USP49: variants seen among roughly 807,000 people sequenced by gnomAD.
The protein encoded by USP49 is ubiquitin carboxyl-terminal hydrolase 49.
In USP49, 24 loss-of-function variants were observed where a neutral mutation model predicts 58.6. The ratio of observed to expected loss-of-function variants is 0.41; its 90% CI spans 0.30 to 0.58. The LOEUF (loss-of-function observed/expected upper bound fraction) is 0.58, where lower values mean the gene tolerates loss of function less well. USP49 is among the 20% of genes least tolerant of loss of function. The pLI, the probability that USP49 is intolerant of heterozygous loss-of-function variation, is 0.30. For missense variants in USP49, 703 were observed against 866.1 expected, an observed-to-expected ratio of 0.81 and a Z score of 2.36; for synonymous variants, 408 against 365.1, an observed-to-expected ratio of 1.12 and a Z score of -1.34.
In USP49 at chr6:41,793,269, G is replaced by GTT. The variant is rs573593165; in HGVS notation, c.*3262_*3263dup. 22 of 148,012 alleles carry GTT rather than the reference G, an allele frequency of 1.5e-4. No individual in the cohort carries two copies. The highest frequency in any genetic ancestry group is 6.1e-4 in the Admixed American group (9 of 14,744). The allele number at this position is 148,012 out of a possible 1,614,324, so 9.2% of individuals were successfully genotyped here. ...TTTTTTTTTTTTTGTTTTTGTTTTT[G>GTT]TTTTTTTTTTAAGACAGAGTCTCGC... is the stretch of plus-strand genomic sequence containing the variant. On this transcript the variant is annotated 3_prime_UTR_variant, in exon 8 of 8. Transcript: ENST00000682992.
At chr6:41,822,616 C>T (rs894767001) in intron 3 of USP49, among the ~76,000 whole-genome samples, 8 of 152,026 alleles carry the variant, frequency 5.3e-5, no homozygotes, top group East Asian at 3.9e-4. Context: ...GGGAGGCCGA[C>T]GTGGGCGGAT....
intron 3 of USP49, among the ~76,000 whole-genome samples, chr6:41,831,813 C>T (rs992065994): frequency 1.6e-4 from 24 of 152,138 alleles, no homozygotes; most frequent in Non-Finnish European, 2.5e-4. Context: ...CAATCTGACC[C>T]CAAACAAGCT....
chr6:41,858,588 TG>T (rs1774169535), intron 3 of USP49, among the ~76,000 whole-genome samples: 4 of 152,156 alleles, frequency 2.6e-5, no homozygotes, highest in Admixed American at 2.6e-4. Context: ...TGAGCCACAT[TG>T]GCCTCCTCAC....
intron 2 of USP49, among the ~76,000 whole-genome samples, chr6:41,881,236 C>A (rs150705343): frequency 3.0e-5 from 4 of 131,644 alleles, no homozygotes; most frequent in Non-Finnish European, 6.2e-5. Context: ...CCGGCCCCTA[C>A]GCAGATTTTT....
chr6:41,839,531 C>T (rs771797555), intron 3 of USP49, among the ~76,000 whole-genome samples: 21 of 143,110 alleles, frequency 1.5e-4, no homozygotes, highest in Non-Finnish European at 2.6e-4. Context: ...AAAAGAGTAA[C>T]GAAGATCAGA....
rs568048431 is a variant in USP49, at chr6:41,796,394, C to T, written c.*139G>A. On this transcript the variant is annotated 3_prime_UTR_variant, in exon 8 of 8. Coordinates refer to ENST00000682992, the MANE Select transcript of USP49 (RefSeq NM_001286554.2). Reference sequence around the variant, plus strand: ...AGACTATAAAATTTACGACAGGACACGAATCACCTGGCACCTTCTACTCTA... The same window carrying T: ...AGACTATAAAATTTACGACAGGACATGAATCACCTGGCACCTTCTACTCTA... 1.8e-5 allele frequency: 10 copies of T among 556,328 alleles called. No individual in the cohort carries two copies. In the South Asian group the frequency reaches 1.9e-4, roughly 11 times the overall value. The allele number at this position is 556,328 out of a possible 1,614,324, so 34.5% of individuals were successfully genotyped here.
intron 2 of USP49, among the ~76,000 whole-genome samples, chr6:41,887,717 C>T (rs1165953843): frequency 2.0e-5 from 3 of 152,172 alleles, no homozygotes; most frequent in Admixed American, 1.3e-4. Context: ...ATAGAAGGCA[C>T]GGAGTAGCAG....
At chr6:41,815,146 C>A (rs543962198) in intron 3 of USP49, among the ~76,000 whole-genome samples, 1 of 152,002 alleles carries the variant, frequency 6.6e-6, no homozygotes, top group Admixed American at 6.6e-5. Context: ...GGGGGCCGGG[C>A]GTGGTGGCTC....
chr6:41,808,052 C>T (rs1773174897), intron 3 of USP49, among the ~76,000 whole-genome samples: 1 of 152,132 alleles, frequency 6.6e-6, no homozygotes, highest in African/African-American at 2.4e-5. Flanking sequence ...GCTGGGAATA[C>T]AGGCACGAGC....
At chr6:41,851,944 A>T (rs1774035893) in intron 3 of USP49, among the ~76,000 whole-genome samples, 1 of 117,328 alleles carries the variant, frequency 8.5e-6, no homozygotes, top group Admixed American at 9.7e-5. Flanking sequence ...ACAGAGCGAG[A>T]CTCGTCTCAA....
intron 3 of USP49, chr6:41,869,505 G>C (rs940355941): frequency 4.6e-5 from 7 of 152,208 alleles, no homozygotes; most frequent in African/African-American, 1.7e-4. Context: ...GAGGCCAGGA[G>C]TTCAAGAGAG....
At chr6:41,872,175 G>C (rs1448288717) in intron 2 of USP49, among the ~76,000 whole-genome samples, 1 of 152,194 alleles carries the variant, frequency 6.6e-6, no homozygotes, top group South Asian at 2.1e-4. Context: ...TAGAGTTTAT[G>C]ATTTTGACAA....
At chr6:41,829,316 ATT>A (rs150752989) in intron 3 of USP49, among the ~76,000 whole-genome samples, 19 of 145,116 alleles carry the variant, frequency 1.3e-4, no homozygotes, top group African/African-American at 4.0e-4. Flanking sequence ...ATTCTCTTGA[ATT>A]TTTTTTTTTT....
At chr6:41,856,517 G>A (rs1177964226) in intron 3 of USP49, among the ~76,000 whole-genome samples, 1 of 152,206 alleles carries the variant, frequency 6.6e-6, no homozygotes, top group Non-Finnish European at 1.5e-5. Context: ...AGAATTTGCA[G>A]AAGAAACACT....
intron 3 of USP49, among the ~76,000 whole-genome samples, chr6:41,850,127 T>C (rs1313167450): frequency 1.3e-5 from 2 of 152,228 alleles, no homozygotes; most frequent in African/African-American, 2.4e-5. Flanking sequence ...GGTCAATTTA[T>C]GGTTGTAAAA....
chr6:41,832,441 G>C (rs773778405), intron 3 of USP49, among the ~76,000 whole-genome samples: 7 of 152,094 alleles, frequency 4.6e-5, no homozygotes, highest in Non-Finnish European at 8.8e-5. Flanking sequence ...GGTATGTGCA[G>C]GCAAAAAAGT....
chr6:41,824,670 C>T (rs1287759378), intron 3 of USP49, among the ~76,000 whole-genome samples: 1 of 152,116 alleles, frequency 6.6e-6, no homozygotes, highest in Admixed American at 6.5e-5. Context: ...CGCGCCATTG[C>T]ACTCCAGCCT....
chr6:41,832,568 A>T (rs1773653665), intron 3 of USP49, among the ~76,000 whole-genome samples: 1 of 152,158 alleles, frequency 6.6e-6, no homozygotes, highest in Non-Finnish European at 1.5e-5. Context: ...CAAAAATATG[A>T]CATACTTAAA....
At chr6:41,812,062 G>A (rs541198457) in intron 3 of USP49, among the ~76,000 whole-genome samples, 3 of 152,074 alleles carry the variant, frequency 2.0e-5, no homozygotes, top group African/African-American at 7.2e-5. Flanking sequence ...AACCTGGAGA[G>A]GCTTCTAAAA....
Sources: gnomAD v4.1 joint callset for allele counts (sites outside exome capture counted in the v4.1 genomes callset) on GRCh38, gnomAD v4.1.1 for gene constraint, MANE v1.5 for transcripts, NCBI Gene and HGNC (gene_info 2026-07-23, HGNC 2026-07-21) for gene names.